MKLN1: variants seen among roughly 807,000 people sequenced by gnomAD.
MKLN1 encodes muskelin 1, also known as muskelin.
In MKLN1, 18 loss-of-function variants were observed where a neutral mutation model predicts 99.0. The ratio of observed to expected loss-of-function variants is 0.18; its 90% confidence interval spans 0.13 to 0.27. The LOEUF is 0.27. Ranked by LOEUF, MKLN1 falls within the 10% of genes least tolerant of loss-of-function variation. MKLN1 has a pLI of 1.00. For missense variants in MKLN1, 621 were observed against 875.9 expected (o/e 0.71, Z 3.67); for synonymous variants, 288 against 293.2 (o/e 0.98, Z 0.18).
At chr7:131,384,942 G>A (rs1793964076) in intron 2 of MKLN1, among the ~76,000 whole-genome samples, 1 of 152,184 alleles carries the variant, frequency 6.6e-6, no homozygotes, top group African/African-American at 2.4e-5. Flanking sequence ...GTGACATTTA[G>A]TGCATTTACA....
chr7:131,473,140 G>C (rs769058075), intron 16 of MKLN1, among the ~76,000 whole-genome samples: 1 of 152,054 alleles, frequency 6.6e-6, no homozygotes, highest in Non-Finnish European at 1.5e-5. Flanking sequence ...AGTCTGTTTG[G>C]GGGGAAGAAA....
intron 3 of MKLN1, among the ~76,000 whole-genome samples, chr7:131,213,594 C>A (rs11974964): frequency 6.6e-6 from 1 of 152,054 alleles, no homozygotes; most frequent in South Asian, 2.1e-4. Flanking sequence ...CAAATATTAC[C>A]AAATATTCCC....
intron 3 of MKLN1, among the ~76,000 whole-genome samples, chr7:131,303,126 G>A (rs1296426302): frequency 6.6e-6 from 1 of 152,178 alleles, no homozygotes; most frequent in Non-Finnish European, 1.5e-5. Flanking sequence ...TTATAAAGAG[G>A]AATTATTGCC....
Position 131,131,592 on chromosome 7 carries a change from C to T in MKLN1, c.-418-11228C>T, listed in dbSNP as rs140166840. Among the ~76,000 whole-genome samples, 31 of 152,302 alleles carry T rather than the reference C, an allele frequency of 2.0e-4. 1 individual carries two copies. The highest frequency in any genetic ancestry group is 3.4e-3 in the Middle Eastern group (1 of 294). Reference sequence around the variant, plus strand: ...AGGCTCAGGATGGTTTATGAACTTGCTTGTAATCACCAGATAGCTAGTGAT... The same window carrying T: ...AGGCTCAGGATGGTTTATGAACTTGTTTGTAATCACCAGATAGCTAGTGAT... On this transcript the variant is annotated intron_variant, in intron 1 of 7. Transcript: ENST00000416992.
chr7:131,116,590 T>G (rs1795281440), intron 1 of MKLN1, among the ~76,000 whole-genome samples: 2 of 151,990 alleles, frequency 1.3e-5, no homozygotes, highest in Admixed American at 1.3e-4. Flanking sequence ...AAAAATTGAC[T>G]AAATCATTAC....
chr7:131,406,325 G>T (rs1794706303), intron 6 of MKLN1, among the ~76,000 whole-genome samples: 1 of 151,436 alleles, frequency 6.6e-6, no homozygotes, highest in South Asian at 2.1e-4. Flanking sequence ...TAAATCATTT[G>T]ACTTATGATT....
chr7:131,274,962 T>C lies in MKLN1; in HGVS notation c.-179+71988T>C, dbSNP rs143937011. ...TTGGCCTCTGAGAAGATCTCATTAG[T>C]AACATTCTGTTACCCACTTTCCATC... On this transcript the variant is annotated intron_variant, in intron 3 of 7. Transcript: ENST00000416992. Among the ~76,000 whole-genome samples the C allele has an allele frequency of 3.6e-3, 549 of 152,328 alleles. 1 individual carries two copies. Among genetic ancestry groups the C allele is most frequent in the Non-Finnish European group, 5.6e-3 (380 of 68,024 alleles).
intron 1 of MKLN1, among the ~76,000 whole-genome samples, chr7:131,337,416 C>A (rs1799280608): frequency 6.6e-6 from 1 of 152,034 alleles, no homozygotes; most frequent in Non-Finnish European, 1.5e-5. Flanking sequence ...CTCCTCTTAT[C>A]CGTTCTGGAT....
intron 12 of MKLN1, among the ~76,000 whole-genome samples, chr7:131,462,728 A>C (rs990627412): frequency 1.3e-5 from 2 of 152,234 alleles, no homozygotes; most frequent in African/African-American, 2.4e-5. Flanking sequence ...GGAGAAGGCA[A>C]TATATAATTG....
At chr7:131,438,497 A>G (rs1390097493) in intron 10 of MKLN1, among the ~76,000 whole-genome samples, 1 of 149,170 alleles carries the variant, frequency 6.7e-6, no homozygotes, top group African/African-American at 2.5e-5. Context: ...CTCAGCACCA[A>G]TAGAAATTAT....
intron 2 of MKLN1, among the ~76,000 whole-genome samples, chr7:131,195,696 G>T (rs28651263): frequency 0.11 from 17,087 of 151,872 alleles, 1,059 homozygotes; most frequent in Middle Eastern, 0.15. Context: ...CTCACGCCTG[G>T]AATCCCAGCA....
At chr7:131,216,831 C>T (rs530523672) in intron 3 of MKLN1, among the ~76,000 whole-genome samples, 1 of 152,288 alleles carries the variant, frequency 6.6e-6, no homozygotes, top group East Asian at 1.9e-4. Flanking sequence ...GTGAGTTCCT[C>T]CAATGATAGG....
In MKLN1 at chr7:131,418,049, C is replaced by G. The variant is rs141785072; in HGVS notation, c.847+3339C>G. On this transcript the variant is annotated intron_variant, in intron 8 of 17. Transcript: ENST00000352689. ...TTTTTGTAACACTAAGAGAAATTGT[C>G]TCGTTAGCACCAGAGAAATGGAACA... 3.6e-4 allele frequency among the ~76,000 whole-genome samples: 55 copies of G among 152,138 alleles called. No individual in the cohort carries two copies. The East Asian group carries it at 8.7e-3, about 24-fold the overall frequency.
At chr7:131,214,250 A>G (rs1261539989) in intron 3 of MKLN1, among the ~76,000 whole-genome samples, 1 of 152,108 alleles carries the variant, frequency 6.6e-6, no homozygotes, top group Non-Finnish European at 1.5e-5. Context: ...CATAGTGCAT[A>G]GTCTAAGCCC....
At chr7:131,132,563 C>A (rs998883058) in intron 1 of MKLN1, among the ~76,000 whole-genome samples, 1 of 152,122 alleles carries the variant, frequency 6.6e-6, no homozygotes, top group Non-Finnish European at 1.5e-5. Context: ...GGAAAAAAGT[C>A]TTCTTATACT....
At chr7:131,291,767 T>A (rs1249138789) in intron 3 of MKLN1, among the ~76,000 whole-genome samples, 13 of 130,872 alleles carry the variant, frequency 9.9e-5, no homozygotes, top group African/African-American at 1.5e-4. Context: ...GTAGTCACAT[T>A]AAAAAAAAAA....
chr7:131,122,639 G>A (rs1028443956), intron 1 of MKLN1, among the ~76,000 whole-genome samples: 5 of 152,164 alleles, frequency 3.3e-5, no homozygotes, highest in African/African-American at 9.7e-5. Context: ...AGTTTCCCAT[G>A]AGAGAGAAAG....
intron 3 of MKLN1, among the ~76,000 whole-genome samples, chr7:131,260,641 G>A (rs1390999239): frequency 6.6e-6 from 1 of 152,124 alleles, no homozygotes; most frequent in Non-Finnish European, 1.5e-5. Flanking sequence ...AGCTTGAATA[G>A]CCAGGGCAAT....
intron 2 of MKLN1, 31 bp from the exon 3 acceptor site, chr7:131,387,089 G>T: frequency 6.4e-7 from 1 of 1,560,334 alleles, no homozygotes; most frequent in Non-Finnish European, 8.6e-7. Context: ...TTAAACAGAA[G>T]AGGATATAAT....
Sources: gnomAD v4.1 joint callset for allele counts (sites outside exome capture counted in the v4.1 genomes callset) on GRCh38, gnomAD v4.1.1 for gene constraint, MANE v1.5 for transcripts, NCBI Gene and HGNC (gene_info 2026-07-23, HGNC 2026-07-21) for gene names.